TBX19: variants seen among roughly 807,000 people sequenced by gnomAD.
TBX19 encodes T-box transcription factor 19, also known as T-box transcription factor TBX19.
Under a neutral mutation model 40.9 loss-of-function variants are expected in TBX19, and 33 were observed. That is an observed-to-expected ratio of 0.81 (90% CI 0.61 to 1.08). TBX19 has a LOEUF of 1.08. TBX19 is among the 50% of genes least tolerant of loss of function. The pLI, the probability that TBX19 is intolerant of heterozygous loss-of-function variation, is 0.00. For missense variants in TBX19, 494 were observed against 574.0 expected, an observed-to-expected ratio of 0.86 and a Z score of 1.42; for synonymous variants, 220 against 225.0, an observed-to-expected ratio of 0.98 and a Z score of 0.20.
intron 6 of TBX19, among the ~76,000 whole-genome samples, chr1:168,306,024 T>C (rs2284766): frequency 0.78 from 117,931 of 152,082 alleles, 45,888 homozygotes; most frequent in Non-Finnish European, 0.8. Flanking sequence ...GTAAAGTTCA[T>C]GGCATGGGAG....
intron 1 of TBX19, among the ~76,000 whole-genome samples, chr1:168,282,296 C>T (rs1449676457): frequency 1.3e-5 from 2 of 152,060 alleles, no homozygotes; most frequent in Non-Finnish European, 2.9e-5. Context: ...AAAGTGCTTC[C>T]GTTCCTGATG....
rs201753269 is a variant in TBX19 at position 168,312,701 on chromosome 1, T to C, written c.1053-7T>C. On this transcript the variant is annotated splice_region_variant and splice_polypyrimidine_tract_variant and intron_variant, in intron 7 of 7. Coordinates refer to ENST00000367821, the MANE Select transcript of TBX19 (RefSeq NM_005149.3). ...CATTCCCTTCCCCTCTTTCTCTGTCTCTGCAGCCCCTACCCGTGCCTGTGG... is the reference window on the plus strand; with the variant it reads ...CATTCCCTTCCCCTCTTTCTCTGTCCCTGCAGCCCCTACCCGTGCCTGTGG... 1.3e-4 allele frequency: 216 copies of C among 1,610,750 alleles called. No individual in the cohort carries two copies. In the African/African-American group the frequency reaches 2.5e-3, roughly 18 times the overall value.
chr1:168,286,803 G>C (rs977355317), intron 1 of TBX19, among the ~76,000 whole-genome samples: 1 of 152,246 alleles, frequency 6.6e-6, no homozygotes, highest in African/African-American at 2.4e-5. Flanking sequence ...GGAACTGCCA[G>C]AGTATTTTCC....
chr1:168,310,744 T>C (rs1649500724), intron 7 of TBX19, among the ~76,000 whole-genome samples: 1 of 146,454 alleles, frequency 6.8e-6, no homozygotes, highest in African/African-American at 2.5e-5. Context: ...TATAGACTTA[T>C]ATATAAAATA....
intron 7 of TBX19, among the ~76,000 whole-genome samples, chr1:168,311,884 A>G (rs938875989): frequency 6.6e-6 from 1 of 152,310 alleles, no homozygotes; most frequent in East Asian, 1.9e-4. Flanking sequence ...AGATCAGTTC[A>G]ATCAGAATCT....
chr1:168,312,711 C>G lies in TBX19; in HGVS notation c.1056C>G (p.Pro352=). The G allele has an allele frequency of 6.2e-7, 1 of 1,612,292 alleles. No homozygotes were observed. The highest frequency in any genetic ancestry group is 8.5e-7 in the Non-Finnish European group (1 of 1,180,028). Residue 352 remains proline (P), a synonymous_variant, in exon 8 of 8, where the codon CCC becomes CCG. Transcript: ENST00000367821. ...TNGPINPGPS[P]YPCLWTISNG... ...CCCTCTTTCTCTGTCTCTGCAGCCC[C>G]TACCCGTGCCTGTGGACCATCAGCA...
At chr1:168,293,325 G>A in intron 3 of TBX19, 47 bp downstream of exon 3, 1 of 1,469,200 alleles carries the variant, frequency 6.8e-7, no homozygotes, top group Non-Finnish European at 9.2e-7. Context: ...GTGTGTGTGT[G>A]TAACTGTCAC....
Position 168,300,480 on chromosome 1 carries a change from C to T in TBX19, c.724C>T (p.His242Tyr), listed in dbSNP as rs202072731. ...ISESQHVTYS[H>Y]LGGWIFSNPD... The stretch of plus-strand genomic sequence containing the variant: ...TGAGAGCCAGCATGTGACCTATTCT[C>T]ACTGTGAGTTGGGTGTACATGAGGC... The change falls in exon 5 of 8, where the codon CAC becomes TAC. Residue 242 changes from histidine to tyrosine, a missense_variant. Around this residue, in one of 3 missense-constraint regions of TBX19, gnomAD observed 284 missense variants for 307.3 expected, o/e 0.92. Coordinates refer to ENST00000367821, the MANE Select transcript of TBX19 (RefSeq NM_005149.3). 268 of 1,614,004 alleles carry T rather than the reference C, an allele frequency of 1.7e-4. No homozygotes were observed. Among genetic ancestry groups the T allele is most frequent in the South Asian group, 3.0e-4 (27 of 91,058 alleles).
intron 1 of TBX19, among the ~76,000 whole-genome samples, chr1:168,290,260 T>C (rs1293862192): frequency 2.0e-5 from 3 of 152,218 alleles, no homozygotes; most frequent in Non-Finnish European, 2.9e-5. Context: ...TTTCTCCAAA[T>C]ATTTGTGAGA....
chr1:168,289,027 T>C (rs1334583270), intron 1 of TBX19, among the ~76,000 whole-genome samples: 1 of 152,222 alleles, frequency 6.6e-6, no homozygotes, highest in Non-Finnish European at 1.5e-5. Context: ...ATGACAATTA[T>C]ACACATGCCA....
chr1:168,291,683 T>A (rs372589374), intron 2 of TBX19, among the ~76,000 whole-genome samples: 2 of 152,166 alleles, frequency 1.3e-5, no homozygotes, highest in African/African-American at 4.8e-5. Flanking sequence ...CTTTTCATAG[T>A]TTCGTCTTGT....
At chr1:168,306,542 C>T (rs1649408127) in intron 6 of TBX19, among the ~76,000 whole-genome samples, 1 of 143,570 alleles carries the variant, frequency 7.0e-6, no homozygotes, top group Non-Finnish European at 1.5e-5. Context: ...AGGAGAATTG[C>T]TTGAATCCGG....
At chr1:168,302,836 A>C (rs971738077) in intron 5 of TBX19, among the ~76,000 whole-genome samples, 1 of 152,080 alleles carries the variant, frequency 6.6e-6, no homozygotes, top group Non-Finnish European at 1.5e-5. Flanking sequence ...AGGCACCTTC[A>C]CACTCGGCAG....
At chr1:168,307,596 T>C (rs1407172616) in intron 6 of TBX19, among the ~76,000 whole-genome samples, 1 of 152,152 alleles carries the variant, frequency 6.6e-6, no homozygotes, top group African/African-American at 2.4e-5. Flanking sequence ...GCACCAGAGA[T>C]AGACGTTGGA....
At chr1:168,281,368 G>C (rs1572470670) in intron 1 of TBX19, 75 bp downstream of exon 1, 1 of 1,379,260 alleles carries the variant, frequency 7.3e-7, no homozygotes, top group South Asian at 1.2e-5. Flanking sequence ...TATTGAAGAG[G>C]CTGCCGCTCT....
chr1:168,289,271 A>T, intron 1 of TBX19, among the ~76,000 whole-genome samples: 1 of 152,224 alleles, frequency 6.6e-6, no homozygotes, highest in Non-Finnish European at 1.5e-5. Context: ...CTTGGCCAAT[A>T]TTATTAACAT....
chr1:168,298,302 TTAAC>T (rs951226174), intron 4 of TBX19, among the ~76,000 whole-genome samples: 2 of 152,248 alleles, frequency 1.3e-5, no homozygotes, highest in African/African-American at 4.8e-5. Context: ...GGGAGAACTG[TTAAC>T]TAACAATTTT....
intron 7 of TBX19, 59 bp downstream of exon 7, chr1:168,308,936 G>A: frequency 6.2e-7 from 1 of 1,611,218 alleles, no homozygotes; most frequent in Non-Finnish European, 8.5e-7. Flanking sequence ...TTTAGCACTG[G>A]GGACTCAAGT....
intron 1 of TBX19, among the ~76,000 whole-genome samples, chr1:168,290,497 G>C (rs1333331649): frequency 6.6e-6 from 1 of 152,236 alleles, no homozygotes; most frequent in Non-Finnish European, 1.5e-5. Flanking sequence ...CTGGAGGAAA[G>C]AACTGGTCTC....
Sources: gnomAD v4.1 joint callset for allele counts (sites outside exome capture counted in the v4.1 genomes callset) on GRCh38, gnomAD v4.1.1 for gene constraint, gnomAD v4.1.1 regional missense constraint, MANE v1.5 for transcripts, NCBI Gene and HGNC (gene_info 2026-07-23, HGNC 2026-07-21) for gene names.